Variants in HRH2 observed in about 807,000 individuals in gnomAD.
The protein encoded by HRH2 is histamine H2 receptor.
A neutral mutation model predicts 20.1 loss-of-function variants in HRH2; 4 were observed. The observed-to-expected ratio is 0.20, with a 90% CI of 0.10 to 0.45. The LOEUF is 0.45. Among genes scored for constraint, HRH2 ranks in the 20% least tolerant of loss-of-function variants. HRH2 has a pLI of 0.99. For synonymous variants in HRH2, 197 were observed against 200.7 expected, an observed-to-expected ratio of 0.98 and a Z score of 0.16; for missense variants, 250 against 461.6, an observed-to-expected ratio of 0.54 and a Z score of 4.20.
intron 2 of HRH2, among the ~76,000 whole-genome samples, chr5:175,699,562 G>GTTGTTT (rs1554112738): frequency 6.6e-6 from 1 of 151,904 alleles, no homozygotes; most frequent in African/African-American, 2.4e-5. Context: ...TCTGCTGTCG[G>GTTGTTT]TTGTTTTTGT....
chr5:175,677,711 G>C lies in HRH2; in HGVS notation c.-525-4998G>C, dbSNP rs1755806326. Among the ~76,000 whole-genome samples the C allele has an allele frequency of 6.6e-6, 1 of 152,240 alleles. No homozygotes were observed. Among genetic ancestry groups the C allele is most frequent in the Non-Finnish European group, 1.5e-5 (1 of 68,048 alleles). On this transcript the variant is annotated intron_variant, in intron 1 of 2. Transcript: ENST00000636584. The surrounding 1 kb of genome is among the most constrained non-coding windows in gnomAD (Gnocchi z 4.2). ...GGAACATTTGAAGTGGTCGATGACA[G>C]GGGAAAAGTTCTGAGAACGAATAGC...
chr5:175,664,696 G>A (rs750392660), intron 1 of HRH2, among the ~76,000 whole-genome samples: 3 of 152,062 alleles, frequency 2.0e-5, no homozygotes, highest in East Asian at 1.9e-4. Flanking sequence ...GTGCAGTGGC[G>A]AATTCACGGC....
At chr5:175,707,708 A>C (rs1756988880) in intron 2 of HRH2, 71 bp from the exon 3 acceptor site, 1 of 145,508 alleles carries the variant, frequency 6.9e-6, no homozygotes, top group South Asian at 2.3e-4. Context: ...CAAAATTGAG[A>C]GGCTAAACCT....
chr5:175,685,511 A>C, intron 2 of HRH2: 6 of 1,512,756 alleles, frequency 4.0e-6, no homozygotes, highest in Non-Finnish European at 5.4e-6. Context: ...TTCCCACCAC[A>C]TGCCAGGAAT....
At chr5:175,659,962 C>T (rs1306669273) in intron 1 of HRH2, among the ~76,000 whole-genome samples, 1 of 152,194 alleles carries the variant, frequency 6.6e-6, no homozygotes, top group African/African-American at 2.4e-5. Flanking sequence ...TCTTTGCTTC[C>T]TCCATCACCT....
Position 175,681,962 on chromosome 5 carries a change from C to T in HRH2, c.-525-747C>T, listed in dbSNP as rs919269702. 3.9e-5 allele frequency among the ~76,000 whole-genome samples: 6 copies of T among 152,022 alleles called. No individual in the cohort carries two copies. Among genetic ancestry groups the T allele is most frequent in the Non-Finnish European group, 8.8e-5 (6 of 68,022 alleles). On this transcript the variant is annotated intron_variant, in intron 1 of 2. Coordinates refer to ENST00000636584, the MANE Select transcript of HRH2 (RefSeq NM_001367711.1). The surrounding 1 kb of genome is among the most constrained non-coding windows in gnomAD (Gnocchi z 4.3). The stretch of plus-strand genomic sequence containing the variant: ...GCCCTCTGCCTGGCTTTGTACAGCC[C>T]GTGGCTAAGAATGGTTTTTACATTT...
chr5:175,666,451 G>C (rs923457824), intron 1 of HRH2, among the ~76,000 whole-genome samples: 1 of 152,120 alleles, frequency 6.6e-6, no homozygotes, highest in African/African-American at 2.4e-5. Flanking sequence ...TTTTGAGATA[G>C]AGTCTCACTC....
chr5:175,689,815 G>T (rs1005381148), intron 2 of HRH2, among the ~76,000 whole-genome samples: 1 of 152,230 alleles, frequency 6.6e-6, no homozygotes, highest in Non-Finnish European at 1.5e-5. Flanking sequence ...GCAAGCTTCT[G>T]AGTCAGGATG....
At chr5:175,691,515 TC>T (rs1285010806) in intron 2 of HRH2, among the ~76,000 whole-genome samples, 9 of 152,240 alleles carry the variant, frequency 5.9e-5, no homozygotes, top group African/African-American at 2.2e-4. Context: ...GGCGCTGCCT[TC>T]CCAGGGACCG....
intron 2 of HRH2, among the ~76,000 whole-genome samples, chr5:175,697,802 C>T (rs1756653596): frequency 6.6e-6 from 1 of 152,246 alleles, no homozygotes. Context: ...CTCTTCAGCC[C>T]CATACTTCTT....
chr5:175,698,657 G>A (rs185970464), intron 2 of HRH2, among the ~76,000 whole-genome samples: 9 of 152,276 alleles, frequency 5.9e-5, no homozygotes, highest in East Asian at 3.9e-4. Flanking sequence ...GGTCAGGTCC[G>A]AGGCTATAGC....
Position 175,683,097 on chromosome 5 carries a change from A to C in HRH2, c.-137A>C. ...GCCTTCCCCACCCCCTGGCCAAAAA[A>C]AAAAAAAAAAAAAAACTGGACACAT... is the stretch of plus-strand genomic sequence containing the variant. On this transcript the variant is annotated 5_prime_UTR_variant, in exon 2 of 3. Transcript: ENST00000636584. 8.5e-7 allele frequency: 1 copy of C among 1,173,482 alleles called. No homozygotes were observed. Among genetic ancestry groups the C allele is most frequent in the Non-Finnish European group, 1.2e-6 (1 of 859,680 alleles). The allele number at this position is 1,173,482 out of a possible 1,614,324, so 72.7% of individuals were successfully genotyped here. A position where few individuals can be genotyped will look rare whatever the true frequency, so the allele number is the denominator to read the frequency against.
intron 1 of HRH2, among the ~76,000 whole-genome samples, chr5:175,666,092 C>G (rs1404482117): frequency 6.6e-6 from 1 of 152,184 alleles, no homozygotes; most frequent in East Asian, 1.9e-4. Context: ...GCACTGCACC[C>G]CCACTGTGGG....
intron 1 of HRH2, among the ~76,000 whole-genome samples, chr5:175,668,726 G>T (rs930748139): frequency 6.6e-6 from 1 of 152,148 alleles, no homozygotes; most frequent in Admixed American, 6.5e-5. Context: ...CATTCTGCAG[G>T]CTGTCCAGGA....
At chr5:175,658,436 C>T (rs1462086437) in intron 1 of HRH2, among the ~76,000 whole-genome samples, 1 of 152,222 alleles carries the variant, frequency 6.6e-6, no homozygotes, top group African/African-American at 2.4e-5. Flanking sequence ...CGGGATGCAG[C>T]CCCGGTGCAC....
chr5:175,706,177 G>A (rs1756937715), intron 2 of HRH2, among the ~76,000 whole-genome samples: 1 of 152,296 alleles, frequency 6.6e-6, no homozygotes, highest in African/African-American at 2.4e-5. Context: ...GAAATCAGGG[G>A]CTGGAAAAGT....
intron 1 of HRH2, among the ~76,000 whole-genome samples, chr5:175,673,738 G>GT (rs1755654500): frequency 7.0e-6 from 1 of 142,808 alleles, no homozygotes; most frequent in South Asian, 2.2e-4. Flanking sequence ...GAGTCTCGCT[G>GT]TATCACCCAG....
chr5:175,707,903 C>T lies in HRH2; in HGVS notation c.1201C>T (p.Leu401=). ...GPSEELSGEP[L]SEEPQKRPPQ... is the part of the protein sequence containing the mutation. ...CTCGGAGGAGCTATCGGGGGAGCCACTGTCTGAGGAGCCACAGAAGAGACC... is the reference window on the plus strand; with the variant it reads ...CTCGGAGGAGCTATCGGGGGAGCCATTGTCTGAGGAGCCACAGAAGAGACC... Residue 401 remains leucine, a synonymous_variant, in exon 3 of 3, where the codon CTG becomes TTG. Transcript: ENST00000636584. 2.5e-6 allele frequency: 1 copy of T among 399,218 alleles called. No individual in the cohort carries two copies. The highest frequency in any genetic ancestry group is 3.6e-5 in the East Asian group (1 of 28,082). The allele number at this position is 399,218 out of a possible 1,614,324, so 24.7% of individuals were successfully genotyped here. A position where few individuals can be genotyped will look rare whatever the true frequency, so the allele number is the denominator to read the frequency against.
chr5:175,707,054 G>A (rs1403487995), intron 2 of HRH2, among the ~76,000 whole-genome samples: 2 of 152,174 alleles, frequency 1.3e-5, no homozygotes, highest in African/African-American at 2.4e-5. Flanking sequence ...ACACTTTGAC[G>A]GGGCTCCTAC....
Sources: allele counts gnomAD v4.1 joint callset (sites outside exome capture counted in the v4.1 genomes callset), GRCh38; gene constraint gnomAD v4.1.1; non-coding constraint Gnocchi (gnomAD v3.1); transcripts MANE v1.5; gene names NCBI Gene and HGNC (gene_info 2026-07-23, HGNC 2026-07-21).